The following STXBP6 variants were observed in gnomAD, a reference collection of about 807,000 sequenced individuals.
STXBP6 encodes the protein syntaxin-binding protein 6.
In STXBP6, 21 loss-of-function variants were observed where a neutral mutation model predicts 26.9. That is an observed-to-expected ratio of 0.78 (90% CI 0.55 to 1.12). The LOEUF (loss-of-function observed/expected upper bound fraction) is 1.12, where lower values mean the gene tolerates loss of function less well. Among genes scored for constraint, STXBP6 ranks in the 50% most tolerant of loss-of-function variants. The pLI is 0.00. For missense variants in STXBP6, 232 were observed against 257.9 expected (o/e 0.90, Z 0.69); for synonymous variants, 97 against 92.6 (o/e 1.05, Z -0.27).
At chr14:24,884,745 G>A (rs2139462795) in intron 2 of STXBP6, among the ~76,000 whole-genome samples, 1 of 148,162 alleles carries the variant, frequency 6.7e-6, no homozygotes, top group South Asian at 2.1e-4. Flanking sequence ...GATCTATAAT[G>A]TTTATGAATA....
intron 2 of STXBP6, among the ~76,000 whole-genome samples, chr14:24,952,656 G>T (rs751967470): frequency 2.0e-4 from 31 of 152,238 alleles, no homozygotes; most frequent in South Asian, 1.4e-3. Context: ...CGTGTTGAAA[G>T]AATTTAAAGT....
chr14:25,001,951 T>C (rs553705030), intron 1 of STXBP6, among the ~76,000 whole-genome samples: 12 of 152,234 alleles, frequency 7.9e-5, no homozygotes, highest in Non-Finnish European at 8.8e-5. Context: ...AACATGTACC[T>C]TCTCCAGGTC....
At chr14:25,027,489 T>C (rs944345331) in intron 1 of STXBP6, among the ~76,000 whole-genome samples, 1 of 152,086 alleles carries the variant, frequency 6.6e-6, no homozygotes, top group African/African-American at 2.4e-5. Context: ...TCCCGGTCTC[T>C]ATCCCTTCGT....
intron 1 of STXBP6, among the ~76,000 whole-genome samples, chr14:24,984,543 G>C (rs1276714817): frequency 6.6e-6 from 1 of 152,156 alleles, no homozygotes; most frequent in East Asian, 1.9e-4. Context: ...GAACACTTCT[G>C]ATCTCATTAA....
chr14:24,856,098 A>G lies in STXBP6; in HGVS notation c.289T>C (p.Ser97Pro). Residue 97 changes from serine (S) to proline (P), a missense_variant, in exon 4 of 6, where the codon TCG becomes CCG. Physicochemically the swap from Ser to Pro is moderately conservative, Grantham distance 74 (BLOSUM62 -1). Transcript: ENST00000323944. ...TCAAACAACAAATCAAACTCTGCCG[A>G]ATCCTGGAAAAGACAATGAAATAAC... ...QVNGIDPNGD[S>P]AEFDLLFENA... 1 of 1,593,116 alleles carries G rather than the reference A, an allele frequency of 6.3e-7. No individual in the cohort carries two copies. The highest frequency in any genetic ancestry group is 8.5e-7 in the Non-Finnish European group (1 of 1,172,482).
chr14:25,019,062 C>T (rs1276836455), intron 1 of STXBP6, among the ~76,000 whole-genome samples: 2 of 152,164 alleles, frequency 1.3e-5, no homozygotes, highest in African/African-American at 4.8e-5. Flanking sequence ...TGAAGATGTA[C>T]ACAAAAGTAT....
intron 2 of STXBP6, among the ~76,000 whole-genome samples, chr14:24,966,054 C>T (rs923803248): frequency 3.2e-4 from 49 of 152,136 alleles, no homozygotes; most frequent in African/African-American, 6.5e-4. Context: ...CTAATCAAAA[C>T]GAACATAAGT....
chr14:25,035,993 G>C (rs1382648106), intron 1 of STXBP6, among the ~76,000 whole-genome samples: 1 of 151,900 alleles, frequency 6.6e-6, no homozygotes, highest in Non-Finnish European at 1.5e-5. Context: ...TGAGGTGGGT[G>C]GATCACCTGA....
chr14:24,875,499 T>C (rs193284638), intron 2 of STXBP6, among the ~76,000 whole-genome samples: 60 of 152,308 alleles, frequency 3.9e-4, no homozygotes, highest in African/African-American at 1.4e-3. Flanking sequence ...AAAAAGATTG[T>C]TGGATGAACT....
At chr14:24,890,733 T>A (rs1261432010) in intron 2 of STXBP6, among the ~76,000 whole-genome samples, 4 of 152,190 alleles carry the variant, frequency 2.6e-5, no homozygotes, top group Non-Finnish European at 4.4e-5. Context: ...CTTCAAAAAA[T>A]GTATTCCTTT....
intron 2 of STXBP6, among the ~76,000 whole-genome samples, chr14:24,934,645 T>C (rs1003487788): frequency 7.9e-5 from 12 of 152,068 alleles, no homozygotes; most frequent in East Asian, 3.9e-4. Flanking sequence ...CATACAGAAC[T>C]AAGACTAAAC....
At chr14:24,882,216 A>G (rs1286440554) in intron 2 of STXBP6, among the ~76,000 whole-genome samples, 5 of 149,850 alleles carry the variant, frequency 3.3e-5, no homozygotes, top group Non-Finnish European at 5.9e-5. Flanking sequence ...CGTCTCTACT[A>G]AAAATACAAA....
intron 2 of STXBP6, among the ~76,000 whole-genome samples, chr14:24,875,696 C>T (rs1209027283): frequency 6.6e-6 from 1 of 152,090 alleles, no homozygotes; most frequent in African/African-American, 2.4e-5. Flanking sequence ...TTTAAACTGC[C>T]AACACTTGAA....
intron 2 of STXBP6, among the ~76,000 whole-genome samples, chr14:24,928,119 T>C (rs2072245238): frequency 6.6e-6 from 1 of 152,164 alleles, no homozygotes; most frequent in South Asian, 2.1e-4. Flanking sequence ...GATTGATCTG[T>C]CAGCACCCTA....
intron 2 of STXBP6, among the ~76,000 whole-genome samples, chr14:24,946,493 G>A (rs2072996007): frequency 2.6e-5 from 4 of 152,150 alleles, no homozygotes; most frequent in Admixed American, 2.6e-4. Context: ...AAAATTGAAG[G>A]CAGAGAAGGA....
In STXBP6 at chr14:24,812,710, C is replaced by G; in HGVS notation, c.632G>C (p.Ter211SerextTer10). Reference sequence around the variant, plus strand: ...AGAGTCACCAGGATAGGCAGTTTCTCAACATTTGTGCTTCATGGCAAGCTA... The same window carrying G: ...AGAGTCACCAGGATAGGCAGTTTCTGAACATTTGTGCTTCATGGCAAGCTA... ...AHKLAMKHKC[*>S] The change falls in exon 6 of 6, where the codon TGA becomes TCA. Residue 211 changes from the stop codon to serine, a stop_lost. Transcript: ENST00000323944. The G allele has an allele frequency of 6.2e-7, 1 of 1,613,762 alleles. No individual in the cohort carries two copies. Among genetic ancestry groups the G allele is most frequent in the Non-Finnish European group, 8.5e-7 (1 of 1,179,780 alleles).
At chr14:24,867,499 A>T (rs2069765889) in intron 2 of STXBP6, among the ~76,000 whole-genome samples, 1 of 152,224 alleles carries the variant, frequency 6.6e-6, no homozygotes, top group African/African-American at 2.4e-5. Context: ...AAAGACCTGT[A>T]CATATGTGGA....
At chr14:25,001,084 T>G (rs542288366) in intron 1 of STXBP6, among the ~76,000 whole-genome samples, 101 of 152,326 alleles carry the variant, frequency 6.6e-4, no homozygotes, top group African/African-American at 2.3e-3. Context: ...CCTTTACCTC[T>G]GCATAACCAT....
chr14:24,896,165 G>A (rs1291110022), intron 2 of STXBP6, among the ~76,000 whole-genome samples: 2 of 152,064 alleles, frequency 1.3e-5, no homozygotes, highest in Admixed American at 1.3e-4. Context: ...GCTTTCAAAA[G>A]TCCACGATCT....
Sources: allele counts gnomAD v4.1 joint callset (sites outside exome capture counted in the v4.1 genomes callset), GRCh38; gene constraint gnomAD v4.1.1; transcripts MANE v1.5; gene names NCBI Gene and HGNC (gene_info 2026-07-23, HGNC 2026-07-21).